The following TMTC1 variants were observed in gnomAD, a reference collection of about 807,000 sequenced individuals.
TMTC1 encodes the protein transmembrane O-mannosyltransferase targeting cadherins 1, also known as protein O-mannosyl-transferase TMTC1.
A neutral mutation model predicts 104.8 loss-of-function variants in TMTC1; 73 were observed. That is an observed-to-expected ratio of 0.70 (90% CI 0.58 to 0.85). TMTC1 has a LOEUF of 0.85. Among genes scored for constraint, TMTC1 ranks in the 40% least tolerant of loss-of-function variants. TMTC1 has a pLI of 0.00. For synonymous variants in TMTC1, 434 were observed against 428.7 expected (o/e 1.01, Z -0.15); for missense variants, 1,035 against 1,096.1 (o/e 0.94, Z 0.79).
At chr12:29,777,760 G>A (rs983424296) in intron 1 of TMTC1, among the ~76,000 whole-genome samples, 1 of 151,948 alleles carries the variant, frequency 6.6e-6, no homozygotes, top group African/African-American at 2.4e-5. Flanking sequence ...ATTTTCCCTT[G>A]GTTATTTCTG....
intron 7 of TMTC1, among the ~76,000 whole-genome samples, chr12:29,590,114 T>C (rs770568368): frequency 2.6e-5 from 4 of 151,894 alleles, no homozygotes; most frequent in Non-Finnish European, 5.9e-5. Context: ...CAAATGAGCA[T>C]GGCTGTGTAA....
chr12:29,761,041 G>T (rs541380354), intron 2 of TMTC1, among the ~76,000 whole-genome samples: 4 of 146,930 alleles, frequency 2.7e-5, no homozygotes, highest in African/African-American at 7.4e-5. Context: ...GTTATAAATT[G>T]TATAACATAT....
At chr12:29,760,452 T>C (rs1029699597) in intron 2 of TMTC1, among the ~76,000 whole-genome samples, 3 of 152,128 alleles carry the variant, frequency 2.0e-5, no homozygotes, top group African/African-American at 4.8e-5. Flanking sequence ...GGCATGAAAG[T>C]TTTTGAGGTG....
At chr12:29,719,837 T>C (rs1347005036) in intron 5 of TMTC1, among the ~76,000 whole-genome samples, 3 of 152,226 alleles carry the variant, frequency 2.0e-5, no homozygotes, top group East Asian at 3.8e-4. Context: ...TTTTAGAAAA[T>C]ATTTTATCTG....
chr12:29,651,595 C>A (rs1295862866), intron 5 of TMTC1, among the ~76,000 whole-genome samples: 1 of 152,194 alleles, frequency 6.6e-6, no homozygotes. Context: ...CACAGAGTCA[C>A]CAGCTGGAAG....
rs576289809 is a variant in TMTC1 at position 29,703,492 on chromosome 12, T to C, written c.938+48174A>G. On this transcript the variant is annotated intron_variant, in intron 5 of 17. Transcript: ENST00000539277. ...TCTAATACCACCTGCGAAATACTAC[T>C]ATTTTTACTCATTATTGATTTAAAA... 1.1e-3 allele frequency among the ~76,000 whole-genome samples: 163 copies of C among 152,358 alleles called. 1 individual carries two copies. Among genetic ancestry groups the C allele is most frequent in the African/African-American group, 3.6e-3 (150 of 41,588 alleles).
chr12:29,505,065 T>C lies in TMTC1; in HGVS notation c.*1781A>G, dbSNP rs1943669166. On this transcript the variant is annotated 3_prime_UTR_variant, in exon 18 of 18. Transcript: ENST00000539277. Reference sequence around the variant, plus strand: ...TAACATATACATTCTTGGATTACTGTTGCACACAAAGAGATGCATGCTAAT... The same window carrying C: ...TAACATATACATTCTTGGATTACTGCTGCACACAAAGAGATGCATGCTAAT... 6.6e-6 allele frequency: 1 copy of C among 152,234 alleles called. No individual in the cohort carries two copies. Among genetic ancestry groups the C allele is most frequent in the Non-Finnish European group, 1.5e-5 (1 of 68,054 alleles). 9.4% of individuals were successfully genotyped at this position (152,234 alleles called of 1,614,324 possible).
intron 6 of TMTC1, among the ~76,000 whole-genome samples, chr12:29,620,339 C>G (rs75552095): frequency 2.0e-3 from 312 of 152,288 alleles, no homozygotes; most frequent in Non-Finnish European, 3.8e-3. Context: ...TTCCCTCCCC[C>G]CAGCCTTGGG....
intron 11 of TMTC1, chr12:29,533,755 T>C (rs1010682767): frequency 2.6e-5 from 4 of 152,160 alleles, no homozygotes; most frequent in African/African-American, 9.7e-5. Flanking sequence ...CTGGAAATGG[T>C]AGTCAATACA....
chr12:29,551,048 G>A (rs535895521), intron 10 of TMTC1, among the ~76,000 whole-genome samples: 3 of 151,696 alleles, frequency 2.0e-5, no homozygotes, highest in African/African-American at 7.3e-5. Flanking sequence ...ATGGGATTGG[G>A]ACTAGAAGTA....
At chr12:29,628,345 G>C (rs188101427) in intron 6 of TMTC1, among the ~76,000 whole-genome samples, 78 of 152,216 alleles carry the variant, frequency 5.1e-4, no homozygotes, top group African/African-American at 1.7e-3. Flanking sequence ...GGTGTTAAGT[G>C]AAAGAAGCCA....
chr12:29,721,430 G>T (rs1398570974), intron 5 of TMTC1, among the ~76,000 whole-genome samples: 1 of 152,020 alleles, frequency 6.6e-6, no homozygotes, highest in Non-Finnish European at 1.5e-5. Context: ...TAACAAATTA[G>T]CTATTTTACA....
intron 5 of TMTC1, among the ~76,000 whole-genome samples, chr12:29,682,507 C>G: frequency 6.6e-6 from 1 of 152,028 alleles, no homozygotes; most frequent in East Asian, 1.9e-4. Flanking sequence ...CAAAATGTAC[C>G]ACAGTCTGTG....
chr12:29,776,646 T>G (rs555053658), intron 1 of TMTC1, among the ~76,000 whole-genome samples: 1 of 152,280 alleles, frequency 6.6e-6, no homozygotes, highest in East Asian at 1.9e-4. Flanking sequence ...TAGTTGTAGG[T>G]GCTAGAGATA....
intron 5 of TMTC1, among the ~76,000 whole-genome samples, chr12:29,663,290 G>A (rs1487018855): frequency 6.6e-6 from 1 of 152,180 alleles, no homozygotes; most frequent in African/African-American, 2.4e-5. Flanking sequence ...AATGGCAGCA[G>A]AAAGGCAAAG....
rs76233666 is a variant in TMTC1, at chr12:29,736,075, T to C, written c.938+15591A>G. ...GTCCATTCTCTCTGGGGAAATCAACTGTATGACCAGATTAACTAAGGGTGA... is the reference window on the plus strand; with the variant it reads ...GTCCATTCTCTCTGGGGAAATCAACCGTATGACCAGATTAACTAAGGGTGA... On this transcript the variant is annotated intron_variant, in intron 5 of 17. Transcript: ENST00000539277. Among the ~76,000 whole-genome samples the C allele has an allele frequency of 2.5e-3, 387 of 152,188 alleles. 2 individuals carry two copies. The highest frequency in any genetic ancestry group is 9.0e-3 in the African/African-American group (373 of 41,526).
chr12:29,686,564 C>T (rs1229829783), intron 5 of TMTC1, among the ~76,000 whole-genome samples: 2 of 152,166 alleles, frequency 1.3e-5, no homozygotes, highest in Non-Finnish European at 2.9e-5. Flanking sequence ...ATGCATCCAG[C>T]CTGGCTCCCT....
chr12:29,773,343 C>G (rs975805835), intron 1 of TMTC1, among the ~76,000 whole-genome samples: 1 of 152,204 alleles, frequency 6.6e-6, no homozygotes, highest in African/African-American at 2.4e-5. Flanking sequence ...TGCTTCCTCA[C>G]TCCCACAGCC....
chr12:29,765,037 A>G (rs1943431870), intron 2 of TMTC1, among the ~76,000 whole-genome samples: 1 of 152,186 alleles, frequency 6.6e-6, no homozygotes, highest in African/African-American at 2.4e-5. Flanking sequence ...ATTGTACAAG[A>G]AGAATTATTT....
Sources: allele counts gnomAD v4.1 joint callset (sites outside exome capture counted in the v4.1 genomes callset), GRCh38; gene constraint gnomAD v4.1.1; transcripts MANE v1.5; gene names NCBI Gene and HGNC (gene_info 2026-07-23, HGNC 2026-07-21).